The following USP54 variants were observed in gnomAD, a reference collection of about 807,000 sequenced individuals.
USP54 encodes ubiquitin carboxyl-terminal hydrolase 54.
A neutral mutation model predicts 170.5 loss-of-function variants in USP54; 87 were observed. That is an observed-to-expected ratio of 0.51 (90% CI 0.43 to 0.61). The LOEUF (loss-of-function observed/expected upper bound fraction) is 0.61, where lower values mean the gene tolerates loss of function less well. Among genes scored for constraint, USP54 ranks in the 20% least tolerant of loss-of-function variants. The pLI, the probability that USP54 is intolerant of heterozygous loss-of-function variation, is 0.00. For missense variants in USP54, 1,786 were observed against 2,047.8 expected (o/e 0.87, Z 2.47); for synonymous variants, 655 against 742.8 (o/e 0.88, Z 1.92).
chr10:73,523,259 G>A (rs911410765), intron 17 of USP54, among the ~76,000 whole-genome samples: 1 of 152,188 alleles, frequency 6.6e-6, no homozygotes, highest in African/African-American at 2.4e-5. Flanking sequence ...CACTGTCAGT[G>A]TGGCTCACTG....
At chr10:73,616,415 A>C (rs1196721583) in intron 1 of USP54, among the ~76,000 whole-genome samples, 4 of 149,518 alleles carry the variant, frequency 2.7e-5, no homozygotes, top group Non-Finnish European at 5.9e-5. Context: ...AGAAAACCAA[A>C]TGCCACGTTT....
chr10:73,505,226 C>A, intron 21 of USP54, 82 bp downstream of exon 21: 1 of 1,405,216 alleles, frequency 7.1e-7, no homozygotes, highest in South Asian at 1.3e-5. Context: ...TCTGCCTTAT[C>A]ATCATCCCTG....
chr10:73,552,274 G>A (rs184539908), intron 4 of USP54, among the ~76,000 whole-genome samples: 245 of 152,266 alleles, frequency 1.6e-3, no homozygotes, highest in African/African-American at 5.5e-3. Context: ...GTAGCCGGGC[G>A]TTGCGGTGAG....
In USP54 at chr10:73,517,380, C is replaced by G. The variant is rs748842872; in HGVS notation, c.3046G>C (p.Glu1016Gln). 3.7e-6 allele frequency: 6 copies of G among 1,613,520 alleles called. No individual in the cohort carries two copies. In the East Asian group the frequency reaches 1.3e-4, roughly 36 times the overall value. ...TGTTCTTGAGCAATGCCTCTTCCTT[C>G]TTGTGGAGGGAGCTTGCTGCAACTG... ...NSSCSKLPPQ[E>Q]GRGIAQEQLF... Residue 1016 changes from glutamate (E) to glutamine (Q), a missense_variant, in exon 20 of 24, where the codon GAA becomes CAA. Physicochemically the swap from Glu to Gln is conservative, Grantham distance 29. Around this residue, in one of 3 missense-constraint regions of USP54, gnomAD observed 1,418 missense variants for 1,569.0 expected, o/e 0.90. Transcript: ENST00000687698.
intron 4 of USP54, among the ~76,000 whole-genome samples, chr10:73,561,707 A>T (rs796536742): frequency 3.3e-5 from 5 of 152,342 alleles, no homozygotes; most frequent in African/African-American, 1.2e-4. Context: ...GTTTGTAATC[A>T]TGCATTTTTA....
chr10:73,523,931 C>T (rs577503925), intron 16 of USP54, among the ~76,000 whole-genome samples, 181 bp from the exon 17 acceptor site: 2 of 147,712 alleles, frequency 1.4e-5, no homozygotes, highest in African/African-American at 5.0e-5. Flanking sequence ...TATTTTGAGA[C>T]GGAGTCTCAC....
intron 16 of USP54, 76 bp from the exon 17 acceptor site, chr10:73,523,826 CA>C (rs1429772811): frequency 1.7e-6 from 2 of 1,163,754 alleles, no homozygotes; most frequent in Non-Finnish European, 2.3e-6. Context: ...ATGACCACTG[CA>C]ATACTTTCCT....
At chr10:73,524,318 G>A (rs934735406) in intron 16 of USP54, among the ~76,000 whole-genome samples, 3 of 151,752 alleles carry the variant, frequency 2.0e-5, no homozygotes, top group Admixed American at 1.3e-4. Flanking sequence ...GGTGACTCAC[G>A]CCTGTAATCC....
In USP54 at chr10:73,567,501, G is replaced by T. The variant is rs144711976; in HGVS notation, c.240+3920C>A. Among the ~76,000 whole-genome samples, 359 of 151,940 alleles carry T rather than the reference G, an allele frequency of 2.4e-3. 7 individuals are homozygous for T. In the East Asian group the frequency reaches 0.037, roughly 16 times the overall value. ...GCCTGGCCAACATGGTGAAACTCTA[G>T]CTCTACTAAAAATACAAAAAATTAG... On this transcript the variant is annotated intron_variant, in intron 4 of 23. Coordinates refer to ENST00000687698, the MANE Select transcript of USP54 (RefSeq NM_001391956.1).
intron 1 of USP54, among the ~76,000 whole-genome samples, chr10:73,619,277 G>C (rs938220913): frequency 6.7e-6 from 1 of 150,130 alleles, no homozygotes. Flanking sequence ...ACTCAGCCTG[G>C]AGCGCAGTAG....
chr10:73,540,390 G>A (rs2066344738), intron 9 of USP54, among the ~76,000 whole-genome samples: 1 of 151,966 alleles, frequency 6.6e-6, no homozygotes, highest in South Asian at 2.1e-4. Context: ...CTAACATGGT[G>A]AAACTCCGTG....
intron 10 of USP54, among the ~76,000 whole-genome samples, chr10:73,536,749 T>G (rs1262043170): frequency 2.0e-5 from 3 of 152,238 alleles, no homozygotes; most frequent in African/African-American, 7.2e-5. Context: ...ATATGCTACG[T>G]GAGGGAACTT....
intron 22 of USP54, among the ~76,000 whole-genome samples, chr10:73,501,702 T>G (rs1228228533): frequency 6.6e-6 from 1 of 152,214 alleles, no homozygotes; most frequent in Non-Finnish European, 1.5e-5. Context: ...GATATGGCCC[T>G]GCTGCTCCTC....
intron 1 of USP54, among the ~76,000 whole-genome samples, chr10:73,610,613 G>T (rs577200912): frequency 6.6e-6 from 1 of 151,386 alleles, no homozygotes; most frequent in South Asian, 2.1e-4. Flanking sequence ...CACTGAGCAA[G>T]AACTGACATC....
At position 73,517,365 on chromosome 10, in the gene USP54, C is replaced by T; in HGVS notation, c.3061G>A (p.Ala1021Thr). The T allele has an allele frequency of 6.2e-7, 1 of 1,612,982 alleles. No individual in the cohort carries two copies. Among genetic ancestry groups the T allele is most frequent in the Non-Finnish European group, 8.5e-7 (1 of 1,179,440 alleles). Residue 1021 changes from alanine to threonine, a missense_variant, in exon 20 of 24, where the codon GCT becomes ACT. Ala to Thr is a moderately conservative substitution (Grantham distance 58, BLOSUM62 0). Coordinates refer to ENST00000687698, the MANE Select transcript of USP54 (RefSeq NM_001391956.1). ...KLPPQEGRGI[A>T]QEQLFQEKKD... is the part of the protein sequence containing the mutation. ...TTTTCTTGGAACAGCTGTTCTTGAG[C>T]AATGCCTCTTCCTTCTTGTGGAGGG...
intron 4 of USP54, among the ~76,000 whole-genome samples, chr10:73,552,656 TG>T (rs1272883421): frequency 6.6e-6 from 1 of 151,238 alleles, no homozygotes; most frequent in Non-Finnish European, 1.5e-5. Context: ...CCAGGTGTGG[TG>T]GCAATCACCT....
chr10:73,614,594 C>G (rs1008606162), intron 1 of USP54, among the ~76,000 whole-genome samples: 1 of 143,620 alleles, frequency 7.0e-6, no homozygotes, highest in African/African-American at 2.7e-5. Context: ...GAAACACAGG[C>G]GTACATACAT....
chr10:73,583,502 T>C (rs1028815011), intron 1 of USP54, among the ~76,000 whole-genome samples: 1 of 152,136 alleles, frequency 6.6e-6, no homozygotes, highest in African/African-American at 2.4e-5. Context: ...GCCAGGCTGG[T>C]CTCAAACTGC....
chr10:73,569,208 T>G (rs999246099), intron 4 of USP54, among the ~76,000 whole-genome samples: 3 of 152,164 alleles, frequency 2.0e-5, no homozygotes, highest in Non-Finnish European at 4.4e-5. Context: ...TCTGAATGAC[T>G]TTTTTTGTTG....
Sources: gnomAD v4.1 joint callset for allele counts (sites outside exome capture counted in the v4.1 genomes callset) on GRCh38, gnomAD v4.1.1 for gene constraint, gnomAD v4.1.1 regional missense constraint, MANE v1.5 for transcripts, NCBI Gene and HGNC (gene_info 2026-07-23, HGNC 2026-07-21) for gene names.